The following PTPRD variants were observed in gnomAD, a reference collection of about 807,000 sequenced individuals.
PTPRD encodes receptor-type tyrosine-protein phosphatase delta.
A neutral mutation model predicts 214.5 loss-of-function variants in PTPRD; 34 were observed. The observed-to-expected ratio is 0.16, with a 90% CI of 0.12 to 0.21. The LOEUF is 0.21. PTPRD is among the 10% of genes least tolerant of loss of function. The probability of loss-of-function intolerance (pLI) is 1.00; values close to 1 mark genes in which losing one functional copy is unlikely to be tolerated. For synonymous variants in PTPRD, 1,128 were observed against 845.7 expected (o/e 1.33, Z -5.79); for missense variants, 2,545 against 2,398.7 (o/e 1.06, Z -1.27).
intron 11 of PTPRD, among the ~76,000 whole-genome samples, chr9:8,835,654 T>C (rs2097402621): frequency 6.6e-6 from 1 of 152,086 alleles, no homozygotes; most frequent in African/African-American, 2.4e-5. Context: ...CTCAGCCTCC[T>C]GAGTAGCTGG....
At chr9:10,015,561 G>A (rs957839138) in intron 4 of PTPRD, among the ~76,000 whole-genome samples, 2 of 152,126 alleles carry the variant, frequency 1.3e-5, no homozygotes, top group Non-Finnish European at 2.9e-5. Context: ...ATAGGATACT[G>A]AAGAAGTAGG....
chr9:9,501,742 T>A (rs1464784122), intron 8 of PTPRD, among the ~76,000 whole-genome samples: 2 of 151,798 alleles, frequency 1.3e-5, no homozygotes, highest in African/African-American at 4.8e-5. Context: ...AAATTATAAA[T>A]AACTAAAAAT....
At chr9:9,486,220 T>C (rs2095630615) in intron 8 of PTPRD, among the ~76,000 whole-genome samples, 1 of 132,554 alleles carries the variant, frequency 7.5e-6, no homozygotes, top group Non-Finnish European at 1.6e-5. Flanking sequence ...AGCTCCCTCC[T>C]ATGCATTTGT....
At chr9:9,447,105 G>C (rs2090678547) in intron 8 of PTPRD, among the ~76,000 whole-genome samples, 1 of 152,108 alleles carries the variant, frequency 6.6e-6, no homozygotes, top group African/African-American at 2.4e-5. Context: ...AGAATAGTGT[G>C]GAGATTCCTC....
At chr9:8,399,856 G>C (rs1364836618) in intron 36 of PTPRD, among the ~76,000 whole-genome samples, 1 of 152,140 alleles carries the variant, frequency 6.6e-6, no homozygotes, top group Non-Finnish European at 1.5e-5. Flanking sequence ...TTAGTATTTT[G>C]AATTTGTCAC....
At chr9:8,447,450 T>C (rs966063734) in intron 34 of PTPRD, among the ~76,000 whole-genome samples, 6 of 152,224 alleles carry the variant, frequency 3.9e-5, no homozygotes, top group African/African-American at 1.4e-4. Flanking sequence ...TAAATGGATA[T>C]AATATTCCCA....
chr9:8,576,918 T>C (rs1415502493), intron 14 of PTPRD, among the ~76,000 whole-genome samples: 1 of 152,196 alleles, frequency 6.6e-6, no homozygotes, highest in East Asian at 1.9e-4. Context: ...TTCTTGCCAA[T>C]CCCACTGTCA....
intron 2 of PTPRD, among the ~76,000 whole-genome samples, chr9:10,448,020 T>G (rs73408164): frequency 6.6e-6 from 1 of 152,090 alleles, no homozygotes; most frequent in South Asian, 2.1e-4. Flanking sequence ...GTGTGTATAA[T>G]GTGTGTAGCT....
At chr9:9,898,520 T>C (rs936667043) in intron 5 of PTPRD, among the ~76,000 whole-genome samples, 7 of 152,110 alleles carry the variant, frequency 4.6e-5, no homozygotes, top group Non-Finnish European at 1.0e-4. Context: ...TGTGATTTCA[T>C]ATGAAGCTCT....
intron 2 of PTPRD, among the ~76,000 whole-genome samples, chr9:10,423,020 G>A (rs1461216990): frequency 1.3e-5 from 2 of 152,004 alleles, no homozygotes; most frequent in African/African-American, 2.4e-5. Context: ...GTTTATTGTG[G>A]CACTATTCAC....
At chr9:9,569,953 A>T (rs1323311144) in intron 8 of PTPRD, among the ~76,000 whole-genome samples, 1 of 151,604 alleles carries the variant, frequency 6.6e-6, no homozygotes, top group African/African-American at 2.4e-5. Context: ...ACAAGTAAAT[A>T]TCACTGAACT....
intron 3 of PTPRD, among the ~76,000 whole-genome samples, chr9:10,295,882 A>G (rs694209): frequency 0.37 from 55,894 of 151,838 alleles, 13,083 homozygotes; most frequent in African/African-American, 0.64. Flanking sequence ...TACCTTTGCT[A>G]CTTTGAAGAT....
chr9:8,550,254 T>C (rs778538422), intron 14 of PTPRD, among the ~76,000 whole-genome samples: 45 of 152,190 alleles, frequency 3.0e-4, no homozygotes, highest in Non-Finnish European at 5.1e-4. Context: ...CTAAGATTAG[T>C]ATAGATACCT....
chr9:9,996,503 G>A (rs182878998), intron 4 of PTPRD, among the ~76,000 whole-genome samples: 86 of 152,320 alleles, frequency 5.6e-4, no homozygotes, highest in Admixed American at 5.0e-3. Context: ...GGGCAAGGTG[G>A]TGTGAATGCC....
intron 10 of PTPRD, among the ~76,000 whole-genome samples, chr9:9,085,698 G>T (rs483370): frequency 0.99 from 150,572 of 152,166 alleles, 74,518 homozygotes; most frequent in Middle Eastern, 1. Flanking sequence ...CTTAATTGTC[G>T]GTTTGCCACC....
intron 10 of PTPRD, among the ~76,000 whole-genome samples, chr9:9,085,598 C>T (rs1056523464): frequency 6.6e-6 from 1 of 151,470 alleles, no homozygotes; most frequent in Non-Finnish European, 1.5e-5. Context: ...AGCACTTATA[C>T]TTCATTGTGA....
intron 2 of PTPRD, among the ~76,000 whole-genome samples, chr9:10,431,869 A>T (rs995726469): frequency 7.2e-5 from 11 of 152,196 alleles, no homozygotes; most frequent in Non-Finnish European, 1.2e-4. Flanking sequence ...ATTGTGGAAG[A>T]CAGTGTGGTG....
chr9:9,454,959 C>G (rs2092779500), intron 8 of PTPRD, among the ~76,000 whole-genome samples: 1 of 151,394 alleles, frequency 6.6e-6, no homozygotes, highest in African/African-American at 2.4e-5. Flanking sequence ...AAGTGAGAAA[C>G]TTGAAGAAGA....
chr9:8,600,530 G>T (rs1229239896), intron 14 of PTPRD, among the ~76,000 whole-genome samples: 1 of 151,530 alleles, frequency 6.6e-6, no homozygotes, highest in African/African-American at 2.4e-5. Context: ...AATAGAAGAG[G>T]AAAGAGTAAA....
Sources: gnomAD v4.1 joint callset for allele counts (sites outside exome capture counted in the v4.1 genomes callset) on GRCh38, gnomAD v4.1.1 for gene constraint, MANE v1.5 for transcripts, NCBI Gene and HGNC (gene_info 2026-07-23, HGNC 2026-07-21) for gene names.